PHACTR1: variants seen among roughly 807,000 people sequenced by gnomAD.
PHACTR1 encodes phosphatase and actin regulator 1, also known as RPEL repeat containing 1.
Under a neutral mutation model 69.2 loss-of-function variants are expected in PHACTR1, and 16 were observed. That is an observed-to-expected ratio of 0.23 (90% CI 0.16 to 0.35). The LOEUF (loss-of-function observed/expected upper bound fraction) is 0.35. Among genes scored for constraint, PHACTR1 ranks in the 10% least tolerant of loss-of-function variants. The pLI is 1.00. For synonymous variants in PHACTR1, 312 were observed against 284.5 expected (o/e 1.10, Z -0.97); for missense variants, 510 against 734.7 (o/e 0.69, Z 3.54).
At chr6:12,792,191 G>A (rs893199291) in intron 4 of PHACTR1, among the ~76,000 whole-genome samples, 11 of 151,948 alleles carry the variant, frequency 7.2e-5, no homozygotes, top group Admixed American at 3.9e-4. Flanking sequence ...TGGGCCGGGC[G>A]CGGTGGCTCA....
rs555796463 is a variant in PHACTR1 at position 12,832,687 on chromosome 6, C to T, written c.250+82897C>T. Reference sequence around the variant, plus strand: ...TGTAATGCTCAAGATTTCACTTACCCCATTGCTTGTTTCAAAGCCCTTTGC... The same window carrying T: ...TGTAATGCTCAAGATTTCACTTACCTCATTGCTTGTTTCAAAGCCCTTTGC... On this transcript the variant is annotated intron_variant, in intron 4 of 14. Transcript: ENST00000332995. Among the ~76,000 whole-genome samples, 74 of 152,142 alleles carry T rather than the reference C, an allele frequency of 4.9e-4. 1 individual carries two copies. The South Asian group carries it at 0.015, about 31-fold the overall frequency.
At chr6:13,047,765 G>A (rs999991540) in intron 4 of PHACTR1, among the ~76,000 whole-genome samples, 1 of 152,074 alleles carries the variant, frequency 6.6e-6, no homozygotes, top group Non-Finnish European at 1.5e-5. Context: ...TGCTCCCTGG[G>A]ATACTGTATG....
chr6:12,836,693 C>T (rs1421511782), intron 4 of PHACTR1, among the ~76,000 whole-genome samples: 1 of 152,178 alleles, frequency 6.6e-6, no homozygotes, highest in Non-Finnish European at 1.5e-5. Context: ...GACCTGCTTC[C>T]TCACAGTTGT....
At chr6:13,047,208 T>C (rs1295084058) in intron 4 of PHACTR1, among the ~76,000 whole-genome samples, 1 of 151,920 alleles carries the variant, frequency 6.6e-6, no homozygotes, top group Non-Finnish European at 1.5e-5. Flanking sequence ...TGAAACCTTG[T>C]CTCTGCTAAA....
At chr6:13,078,411 A>C (rs1810877796) in intron 5 of PHACTR1, among the ~76,000 whole-genome samples, 1 of 152,182 alleles carries the variant, frequency 6.6e-6, no homozygotes, top group Admixed American at 6.5e-5. Flanking sequence ...CCAATGGGTG[A>C]TATCTTCAAC....
At chr6:12,867,062 A>G (rs1190008081) in intron 4 of PHACTR1, among the ~76,000 whole-genome samples, 1 of 152,170 alleles carries the variant, frequency 6.6e-6, no homozygotes, top group East Asian at 1.9e-4. Flanking sequence ...TCACCAGGCT[A>G]CAAGCTGCAT....
At chr6:12,984,476 G>A (rs112713556) in intron 4 of PHACTR1, among the ~76,000 whole-genome samples, 48 of 152,342 alleles carry the variant, frequency 3.2e-4, no homozygotes, top group African/African-American at 1.1e-3. Flanking sequence ...TAGATAGTGG[G>A]AATAGAAAGA....
chr6:13,073,671 T>A (rs1054777182), intron 5 of PHACTR1, among the ~76,000 whole-genome samples: 5 of 151,886 alleles, frequency 3.3e-5, no homozygotes, highest in African/African-American at 1.2e-4. Context: ...GACAAAGAGA[T>A]CTGGGACCAC....
chr6:12,975,247 T>C (rs1210699545), intron 4 of PHACTR1, among the ~76,000 whole-genome samples: 3 of 152,234 alleles, frequency 2.0e-5, no homozygotes, highest in African/African-American at 4.8e-5. Context: ...TGTTCTGCAA[T>C]GTTTAGCAGC....
At chr6:13,214,924 G>A (rs1767436997) in intron 8 of PHACTR1, among the ~76,000 whole-genome samples, 1 of 152,086 alleles carries the variant, frequency 6.6e-6, no homozygotes, top group East Asian at 1.9e-4. Flanking sequence ...TAGTTCTGAT[G>A]GAAATTGCCA....
intron 8 of PHACTR1, among the ~76,000 whole-genome samples, chr6:13,220,606 G>A (rs868709442): frequency 3.3e-5 from 5 of 152,140 alleles, no homozygotes; most frequent in African/African-American, 7.2e-5. Context: ...AAGGCCACAC[G>A]GTACCAATGT....
chr6:13,183,904 C>T (rs571652680), intron 7 of PHACTR1, among the ~76,000 whole-genome samples: 2 of 152,332 alleles, frequency 1.3e-5, no homozygotes, highest in Non-Finnish European at 2.9e-5. Flanking sequence ...TGTGCCACCA[C>T]CCAATGACAA....
chr6:13,203,517 C>T (rs1765508072), intron 7 of PHACTR1, among the ~76,000 whole-genome samples: 2 of 152,304 alleles, frequency 1.3e-5, no homozygotes, highest in Admixed American at 1.3e-4. Context: ...GTCGTCATTC[C>T]TGCTATCATC....
At chr6:12,785,509 A>T (rs1581738181) in intron 4 of PHACTR1, among the ~76,000 whole-genome samples, 1 of 152,152 alleles carries the variant, frequency 6.6e-6, no homozygotes, top group South Asian at 2.1e-4. Context: ...ATCCCCACAA[A>T]CCTGCCAGGC....
At chr6:13,285,702 A>G (rs1584483189) in intron 13 of PHACTR1, among the ~76,000 whole-genome samples, 1 of 152,340 alleles carries the variant, frequency 6.6e-6, no homozygotes, top group East Asian at 1.9e-4. Flanking sequence ...GGAGCTGGCC[A>G]TCACCTGTCC....
At chr6:12,887,010 C>A (rs906232930) in intron 4 of PHACTR1, among the ~76,000 whole-genome samples, 2 of 152,086 alleles carry the variant, frequency 1.3e-5, no homozygotes, top group Non-Finnish European at 1.5e-5. Context: ...ATGGCTCCTC[C>A]TCCCCCTCTT....
At chr6:12,790,350 T>C (rs977011976) in intron 4 of PHACTR1, among the ~76,000 whole-genome samples, 2 of 152,184 alleles carry the variant, frequency 1.3e-5, no homozygotes, top group Non-Finnish European at 2.9e-5. Context: ...TCAGGGACAC[T>C]GGTGCCTTAG....
At chr6:13,281,213 A>G (rs183269177) in intron 12 of PHACTR1, 1 of 1,103,260 alleles carries the variant, frequency 9.1e-7, no homozygotes, top group East Asian at 6.1e-5. Context: ...GAGAAATTTG[A>G]AAGTCAGGGC....
chr6:12,726,714 G>A (rs938729677), intron 3 of PHACTR1, among the ~76,000 whole-genome samples: 1 of 152,106 alleles, frequency 6.6e-6, no homozygotes, highest in Non-Finnish European at 1.5e-5. Flanking sequence ...GGACCTACAG[G>A]TCTGATTTGC....
Sources: allele counts gnomAD v4.1 joint callset (sites outside exome capture counted in the v4.1 genomes callset), GRCh38; gene constraint gnomAD v4.1.1; transcripts MANE v1.5; gene names NCBI Gene and HGNC (gene_info 2026-07-23, HGNC 2026-07-21).